Variants in TPO observed in about 807,000 individuals in gnomAD.
TPO encodes thyroid peroxidase.
A neutral mutation model predicts 96.9 loss-of-function variants in TPO; 78 were observed. The observed-to-expected ratio is 0.81, with a 90% CI of 0.67 to 0.97. The LOEUF (loss-of-function observed/expected upper bound fraction) is 0.97. Among genes scored for constraint, TPO ranks in the 50% least tolerant of loss-of-function variants. The pLI is 0.00. For missense variants in TPO, 1,252 were observed against 1,274.8 expected (o/e 0.98, Z 0.27); for synonymous variants, 547 against 538.0 (o/e 1.02, Z -0.23).
chr2:1,503,726 C>A (rs1354273837), intron 13 of TPO: 15 of 787,756 alleles, frequency 1.9e-5, no homozygotes, highest in Non-Finnish European at 3.3e-5. Context: ...GTGTGGACTC[C>A]CTGCAGGCTC....
chr2:1,404,251 G>A (rs1662215504), intron 1 of TPO, among the ~76,000 whole-genome samples: 1 of 152,132 alleles, frequency 6.6e-6, no homozygotes, highest in Non-Finnish European at 1.5e-5. Flanking sequence ...CTGTCTCAAG[G>A]GAGGAAATGT....
chr2:1,534,600 CCAAATCGCGCCACTGTGTGCAACCTCCA>C (rs1422816066), intron 15 of TPO, among the ~76,000 whole-genome samples: 1 of 149,422 alleles, frequency 6.7e-6, no homozygotes, highest in Non-Finnish European at 1.5e-5. Flanking sequence ...TGCAACCGCA[CCAAATCGCGCCACTGTGTGCAACCTCCA>C]CAAATCCCGC....
At chr2:1,518,088 T>C (rs1674898403) in intron 15 of TPO, among the ~76,000 whole-genome samples, 1 of 152,140 alleles carries the variant, frequency 6.6e-6, no homozygotes, top group African/African-American at 2.4e-5. Flanking sequence ...ACCACACATG[T>C]ATGGATTATC....
intron 3 of TPO, among the ~76,000 whole-genome samples, chr2:1,431,835 G>A (rs1347737017): frequency 1.3e-5 from 2 of 152,332 alleles, no homozygotes; most frequent in South Asian, 2.1e-4. Flanking sequence ...GAACAACTAG[G>A]TCACTTTTCC....
chr2:1,457,314 T>C (rs552149715), intron 7 of TPO, among the ~76,000 whole-genome samples: 139 of 110,270 alleles, frequency 1.3e-3, no homozygotes, highest in Admixed American at 7.4e-3. Context: ...TGTATGATAC[T>C]GTGGGTACAC....
chr2:1,409,772 A>T (rs2148387450), upstream of TPO, among the ~76,000 whole-genome samples: 1 of 137,276 alleles, frequency 7.3e-6, no homozygotes, highest in African/African-American at 2.8e-5. Flanking sequence ...TTACAAATTT[A>T]AAAATACAAA....
chr2:1,481,035 G>A (rs1259132945), intron 8 of TPO, among the ~76,000 whole-genome samples: 2 of 151,886 alleles, frequency 1.3e-5, no homozygotes, highest in African/African-American at 2.4e-5. Flanking sequence ...CCTGGGATCC[G>A]GCATCTCTCG....
chr2:1,397,650 G>A (rs1662102978), intron 1 of TPO, among the ~76,000 whole-genome samples: 1 of 152,188 alleles, frequency 6.6e-6, no homozygotes, highest in Admixed American at 6.5e-5. Flanking sequence ...GCAGAGCTGG[G>A]AGGCCCTGCT....
chr2:1,521,376 T>C (rs1317316376), intron 15 of TPO, among the ~76,000 whole-genome samples: 1 of 152,148 alleles, frequency 6.6e-6, no homozygotes, highest in African/African-American at 2.4e-5. Context: ...ATAAGCGTGC[T>C]GGAGGGAGGC....
chr2:1,403,693 T>C (rs941784979), intron 1 of TPO, among the ~76,000 whole-genome samples: 6 of 152,170 alleles, frequency 3.9e-5, no homozygotes, highest in Non-Finnish European at 7.3e-5. Context: ...AAGAACGTGG[T>C]CCCGTGACAG....
At chr2:1,459,942 CTTTCTT>C (rs1038120779) in intron 7 of TPO, among the ~76,000 whole-genome samples, 4 of 87,980 alleles carry the variant, frequency 4.5e-5, no homozygotes, top group East Asian at 4.6e-4. Context: ...GGGATTCTTT[CTTTCTT>C]TTTTTTTTTT....
intron 7 of TPO, among the ~76,000 whole-genome samples, chr2:1,467,155 G>GT (rs907926451): frequency 6.6e-6 from 1 of 151,940 alleles, no homozygotes; most frequent in African/African-American, 2.4e-5. Context: ...CCAGGCTGGA[G>GT]TGTAGTGGCA....
intron 1 of TPO, among the ~76,000 whole-genome samples, chr2:1,375,017 C>T (rs920938162): frequency 2.2e-4 from 33 of 152,090 alleles, no homozygotes; most frequent in African/African-American, 7.7e-4. Flanking sequence ...GCATGAACCA[C>T]TGCACCCGAC....
intron 1 of TPO, among the ~76,000 whole-genome samples, chr2:1,388,676 C>A (rs148604490): frequency 6.6e-6 from 1 of 152,174 alleles, no homozygotes; most frequent in Non-Finnish European, 1.5e-5. Context: ...GGTGATGCCT[C>A]GCCCTGCTTT....
At chr2:1,516,850 G>A in intron 14 of TPO, 33 bp from the exon 15 acceptor site, 1 of 1,609,314 alleles carries the variant, frequency 6.2e-7, no homozygotes, top group Non-Finnish European at 8.5e-7. Flanking sequence ...GCCCTGGAAG[G>A]TTCTTCTAAC....
chr2:1,422,896 G>C, intron 2 of TPO, 149 bp from the exon 3 acceptor site: 3 of 788,488 alleles, frequency 3.8e-6, no homozygotes. Context: ...GGCCTGTGGA[G>C]GGAAGCGACC....
intron 5 of TPO, among the ~76,000 whole-genome samples, chr2:1,448,973 T>C (rs1479210948): frequency 1.3e-5 from 2 of 152,086 alleles, no homozygotes; most frequent in Non-Finnish European, 2.9e-5. Flanking sequence ...GGCATGGACA[T>C]TGTGAGCTGC....
chr2:1,419,172 A>G (rs1663250791), intron 2 of TPO, among the ~76,000 whole-genome samples: 1 of 152,164 alleles, frequency 6.6e-6, no homozygotes, highest in Admixed American at 6.5e-5. Context: ...AGCAGGAGCA[A>G]TCTTGAGAAG....
intron 4 of TPO, among the ~76,000 whole-genome samples, chr2:1,435,302 G>T (rs1040101496): frequency 1.3e-5 from 2 of 152,204 alleles, no homozygotes; most frequent in African/African-American, 4.8e-5. Context: ...CTGTCAAGAA[G>T]AATCTGTGCT....
Sources: gnomAD v4.1 joint callset for allele counts (sites outside exome capture counted in the v4.1 genomes callset) on GRCh38, gnomAD v4.1.1 for gene constraint, MANE v1.5 for transcripts, NCBI Gene and HGNC (gene_info 2026-07-23, HGNC 2026-07-21) for gene names.